CPS1: variants seen among roughly 807,000 people sequenced by gnomAD.
The protein encoded by CPS1 is carbamoyl-phosphate synthase 1.
A neutral mutation model predicts 174.6 loss-of-function variants in CPS1; 109 were observed. That is an observed-to-expected ratio of 0.62 (90% CI 0.53 to 0.73). The LOEUF is 0.73. CPS1 is among the 30% of genes least tolerant of loss of function. The probability of loss-of-function intolerance (pLI) is 0.00; values close to 1 mark genes in which losing one functional copy is unlikely to be tolerated. For missense variants in CPS1, 1,689 were observed against 1,821.9 expected (o/e 0.93, Z 1.33); for synonymous variants, 637 against 632.0 (o/e 1.01, Z -0.12).
At chr2:210,654,149 T>G (rs1381017345) in intron 29 of CPS1, 47 bp downstream of exon 29, 1 of 1,543,480 alleles carries the variant, frequency 6.5e-7, no homozygotes, top group Non-Finnish European at 9.0e-7. Context: ...TCTCATCATT[T>G]TTTTCTTTAA....
intron 33 of CPS1, among the ~76,000 whole-genome samples, chr2:210,667,150 A>G (rs1405049325): frequency 6.6e-6 from 1 of 152,174 alleles, no homozygotes; most frequent in Non-Finnish European, 1.5e-5. Context: ...CTGTATAAGA[A>G]TGCTTGTGAT....
At chr2:210,602,476 G>A (rs1162960070) in intron 16 of CPS1, 146 bp downstream of exon 16, 2 of 1,067,506 alleles carry the variant, frequency 1.9e-6, no homozygotes, top group African/African-American at 3.2e-5. Flanking sequence ...TCCAAAAGAT[G>A]ACACTTTTGC....
In CPS1 at chr2:210,591,041, A is replaced by AAAATAAAT. The variant is rs544805806; in HGVS notation, c.947+159_947+166dup. 2,060 of 257,956 alleles carry AAAATAAAT rather than the reference A, an allele frequency of 8.0e-3. 40 individuals are homozygous for AAAATAAAT. The highest frequency in any genetic ancestry group is 0.045 in the African/African-American group (1,918 of 42,900). 16.0% of individuals were successfully genotyped at this position (257,956 alleles called of 1,614,324 possible). A position where few individuals can be genotyped will look rare whatever the true frequency, so the allele number is the denominator to read the frequency against. ...GTACCCTAAAACTTAAAGTATAATAAAAATAAATAAATAAATAAATAAATA... is the reference window on the plus strand; with the variant it reads ...GTACCCTAAAACTTAAAGTATAATAAAAATAAATAAATAAATAAATAAATAAATAAATA... On this transcript the variant is annotated intron_variant, in intron 9 of 37. Coordinates refer to ENST00000233072, the MANE Select transcript of CPS1 (RefSeq NM_001875.5).
chr2:210,530,439 C>G (rs985500393), intron 1 of CPS1, among the ~76,000 whole-genome samples: 1 of 152,004 alleles, frequency 6.6e-6, no homozygotes, highest in African/African-American at 2.4e-5. Flanking sequence ...AATAGCCAAA[C>G]TACTGAGCAT....
At chr2:210,580,930 A>T (rs913878827) in intron 5 of CPS1, among the ~76,000 whole-genome samples, 3 of 151,864 alleles carry the variant, frequency 2.0e-5, no homozygotes, top group African/African-American at 7.3e-5. Flanking sequence ...TCTTGTTAGG[A>T]TATATACATA....
chr2:210,598,473 C>T (rs1163549948), intron 13 of CPS1, among the ~76,000 whole-genome samples: 2 of 151,658 alleles, frequency 1.3e-5, no homozygotes, highest in African/African-American at 4.8e-5. Flanking sequence ...ACCCATCTCA[C>T]ATGTAGTGAC....
Position 210,658,580 on chromosome 2 carries a change from A to G in CPS1, c.3667-19A>G. On this transcript the variant is annotated intron_variant, in intron 30 of 37. Transcript: ENST00000233072. ...GATATGCTCTTTAGCACACTATACG[A>G]TTATGCTTTTTAATTCAGGTGAAGG... The G allele has an allele frequency of 6.2e-7, 1 of 1,609,122 alleles. No homozygotes were observed. Among genetic ancestry groups the G allele is most frequent in the Non-Finnish European group, 8.5e-7 (1 of 1,175,534 alleles).
In CPS1 at chr2:210,606,715, C is replaced by T; in HGVS notation, c.1982-16C>T. On this transcript the variant is annotated splice_polypyrimidine_tract_variant and intron_variant, in intron 17 of 37. Transcript: ENST00000233072. Reference sequence around the variant, plus strand: ...TCAATATGCCACCAAGTAATGAGTGCTTCTTGGATATATAGGTGACTCAGT... The same window carrying T: ...TCAATATGCCACCAAGTAATGAGTGTTTCTTGGATATATAGGTGACTCAGT... 2 of 1,607,946 alleles carry T rather than the reference C, an allele frequency of 1.2e-6. No homozygotes were observed. The highest frequency in any genetic ancestry group is 1.7e-5 in the Admixed American group (1 of 59,810).
chr2:210,569,302 A>G (rs1182037591), intron 1 of CPS1, among the ~76,000 whole-genome samples: 1 of 152,126 alleles, frequency 6.6e-6, no homozygotes, highest in Non-Finnish European at 1.5e-5. Flanking sequence ...ATTTTAAATG[A>G]GGCCATCAAG....
chr2:210,599,948 A>C (rs1196800955), intron 14 of CPS1, among the ~76,000 whole-genome samples: 2 of 151,906 alleles, frequency 1.3e-5, no homozygotes, highest in Non-Finnish European at 2.9e-5. Flanking sequence ...CCTCTCAAAC[A>C]CATTTTCATG....
intron 1 of CPS1, among the ~76,000 whole-genome samples, chr2:210,532,617 T>C (rs1696145172): frequency 6.6e-6 from 1 of 152,170 alleles, no homozygotes; most frequent in Non-Finnish European, 1.5e-5. Context: ...TAAATTTTCC[T>C]GTAGTGGTAT....
intron 6 of CPS1, among the ~76,000 whole-genome samples, chr2:210,583,815 G>T: frequency 6.6e-6 from 1 of 152,060 alleles, no homozygotes. Context: ...TGTCATTTTG[G>T]AGCAAAGTAA....
At chr2:210,494,992 T>G (rs1694957095) in intron 1 of CPS1, among the ~76,000 whole-genome samples, 1 of 152,194 alleles carries the variant, frequency 6.6e-6, no homozygotes, top group South Asian at 2.1e-4. Context: ...AATTAGAGCC[T>G]TTTGGGGTGG....
intron 1 of CPS1, among the ~76,000 whole-genome samples, chr2:210,505,463 C>T (rs565810751): frequency 5.9e-5 from 9 of 152,188 alleles, no homozygotes; most frequent in South Asian, 2.1e-4. Context: ...CCGGCGTGAG[C>T]GACACAGAAG....
chr2:210,498,280 G>A (rs547972164), intron 1 of CPS1, among the ~76,000 whole-genome samples: 26 of 152,048 alleles, frequency 1.7e-4, no homozygotes, highest in African/African-American at 6.3e-4. Flanking sequence ...TGGGGTTTGA[G>A]CATAGAATAT....
At chr2:210,624,138 G>A (rs1699624381) in intron 21 of CPS1, among the ~76,000 whole-genome samples, 1 of 152,076 alleles carries the variant, frequency 6.6e-6, no homozygotes, top group Non-Finnish European at 1.5e-5. Context: ...GAATGGAGAT[G>A]ATTGAACACT....
chr2:210,540,939 CTTAGT>C (rs1404527372), intron 1 of CPS1, among the ~76,000 whole-genome samples: 1 of 152,098 alleles, frequency 6.6e-6, no homozygotes, highest in Non-Finnish European at 1.5e-5. Context: ...CCTTAGTTAG[CTTAGT>C]TTAAACACCT....
rs774988052 is a variant in CPS1 at position 210,674,973 on chromosome 2, AGTTTT to A, written c.4161+13_4161+17del. The stretch of plus-strand genomic sequence containing the variant: ...ATGAAGGTTTCAAGGTATGTTCATT[AGTTTT>A]AAGTTGTTTTCTGTCAGCATGGAAT... On this transcript the variant is annotated intron_variant, in intron 35 of 37. Coordinates refer to ENST00000233072, the MANE Select transcript of CPS1 (RefSeq NM_001875.5). 1.2e-6 allele frequency: 2 copies of A among 1,600,488 alleles called. No individual in the cohort carries two copies. Among genetic ancestry groups the A allele is most frequent in the African/African-American group, 2.7e-5 (2 of 74,676 alleles).
chr2:210,626,511 A>T (rs1699703099), intron 21 of CPS1, among the ~76,000 whole-genome samples: 1 of 152,214 alleles, frequency 6.6e-6, no homozygotes, highest in Non-Finnish European at 1.5e-5. Context: ...TTAATTTCTT[A>T]AAGTAGTTAT....
Sources: gnomAD v4.1 joint callset for allele counts (sites outside exome capture counted in the v4.1 genomes callset) on GRCh38, gnomAD v4.1.1 for gene constraint, MANE v1.5 for transcripts, NCBI Gene and HGNC (gene_info 2026-07-23, HGNC 2026-07-21) for gene names.